The following FBXO15 variants were observed in gnomAD, a reference collection of about 807,000 sequenced individuals.
FBXO15 encodes the protein F-box only protein 15.
FBXO15 carries 30 observed loss-of-function variants against 49.5 expected under a neutral mutation model. That is an observed-to-expected ratio of 0.61 (90% CI 0.45 to 0.82). The LOEUF (loss-of-function observed/expected upper bound fraction) is 0.82. Among genes scored for constraint, FBXO15 ranks in the 40% least tolerant of loss-of-function variants. The pLI is 0.00. For missense variants in FBXO15, 591 were observed against 631.5 expected, an observed-to-expected ratio of 0.94 and a Z score of 0.69; for synonymous variants, 250 against 232.7, an observed-to-expected ratio of 1.07 and a Z score of -0.68.
chr18:74,078,058 C>T (rs1421103332), intron 9 of FBXO15, among the ~76,000 whole-genome samples: 8 of 152,146 alleles, frequency 5.3e-5, no homozygotes, highest in East Asian at 1.9e-4. Context: ...AAGGAGCGGC[C>T]GGTGGGGCAC....
chr18:74,118,593 T>C (rs970972128), intron 8 of FBXO15, among the ~76,000 whole-genome samples: 1 of 152,156 alleles, frequency 6.6e-6, no homozygotes, highest in Non-Finnish European at 1.5e-5. Context: ...CTGTACAATG[T>C]AAAATTATTT....
chr18:74,107,174 G>A (rs1913804058), intron 8 of FBXO15, among the ~76,000 whole-genome samples: 1 of 147,318 alleles, frequency 6.8e-6, no homozygotes, highest in Non-Finnish European at 1.5e-5. Flanking sequence ...ATATTTATGG[G>A]GTACACAGTG....
At chr18:74,085,093 C>A (rs909305081) in intron 8 of FBXO15, among the ~76,000 whole-genome samples, 1 of 152,052 alleles carries the variant, frequency 6.6e-6, no homozygotes, top group African/African-American at 2.4e-5. Flanking sequence ...TTCACACAAT[C>A]ACAAGCATAA....
At chr18:74,106,843 G>A (rs1913790067) in intron 8 of FBXO15, among the ~76,000 whole-genome samples, 1 of 152,020 alleles carries the variant, frequency 6.6e-6, no homozygotes, top group Non-Finnish European at 1.5e-5. Flanking sequence ...GATACTAAAT[G>A]TCCAACATTA....
At chr18:74,085,758 T>C (rs943417486) in intron 8 of FBXO15, among the ~76,000 whole-genome samples, 7 of 152,108 alleles carry the variant, frequency 4.6e-5, no homozygotes, top group Admixed American at 2.0e-4. Context: ...ACATCCACAC[T>C]GGGAAAGAAC....
In FBXO15 at chr18:74,075,291, AGCCCAGCTCCTCTGC is replaced by A. The variant is rs1218603318; in HGVS notation, c.1264-1576_1264-1562del. Among the ~76,000 whole-genome samples the A allele has an allele frequency of 6.6e-6, 1 of 152,178 alleles. No individual in the cohort carries two copies. The highest frequency in any genetic ancestry group is 1.5e-5 in the Non-Finnish European group (1 of 68,020). On this transcript the variant is annotated intron_variant, in intron 9 of 9. Coordinates refer to ENST00000419743, the MANE Select transcript of FBXO15 (RefSeq NM_001142958.2). This position sits in a 1 kb window ranked among gnomAD's most constrained non-coding sequence, Gnocchi z 4.1. The stretch of plus-strand genomic sequence containing the variant: ...CCTCAACTTCCCACTGCAGATCCAC[AGCCCAGCTCCTCTGC>A]GCCCACCTCTCCTCACATGTGTTTC...
chr18:74,138,900 C>T (rs1019622052), intron 2 of FBXO15, among the ~76,000 whole-genome samples: 1 of 152,194 alleles, frequency 6.6e-6, no homozygotes, highest in African/African-American at 2.4e-5. Context: ...GCCTGTGTCT[C>T]TCCGTCTTCC....
At chr18:74,146,424 A>C (rs866852387) in intron 1 of FBXO15, among the ~76,000 whole-genome samples, 1 of 152,246 alleles carries the variant, frequency 6.6e-6, no homozygotes, top group Non-Finnish European at 1.5e-5. Context: ...CCCTCTAATT[A>C]TATCAATCCA....
intron 5 of FBXO15, among the ~76,000 whole-genome samples, chr18:74,128,574 AG>A (rs1323030856): frequency 1.3e-5 from 2 of 152,246 alleles, no homozygotes; most frequent in Non-Finnish European, 2.9e-5. Context: ...AAACCAACGC[AG>A]GAGAAGGCAG....
At chr18:74,079,206 A>AATCC (rs1206694971) in intron 9 of FBXO15, among the ~76,000 whole-genome samples, 1 of 152,212 alleles carries the variant, frequency 6.6e-6, no homozygotes, top group African/African-American at 2.4e-5. Context: ...ACCAAAAGAA[A>AATCC]ATCCATCCAT....
At chr18:74,137,800 A>G (rs983942938) in intron 2 of FBXO15, among the ~76,000 whole-genome samples, 1 of 152,204 alleles carries the variant, frequency 6.6e-6, no homozygotes, top group African/African-American at 2.4e-5. Flanking sequence ...TAGAACAAAG[A>G]AACTGCTCTA....
chr18:74,088,702 A>C (rs541012584), intron 8 of FBXO15, among the ~76,000 whole-genome samples: 4 of 152,184 alleles, frequency 2.6e-5, no homozygotes, highest in Non-Finnish European at 5.9e-5. Flanking sequence ...TTTTTGTTCC[A>C]TATGAATTTT....
chr18:74,129,335 C>G, intron 5 of FBXO15, 70 bp downstream of exon 5: 1 of 1,366,376 alleles, frequency 7.3e-7, no homozygotes, highest in Admixed American at 2.2e-5. Flanking sequence ...TTTTTAATTA[C>G]AAAAGTAATG....
At chr18:74,101,208 A>T (rs138532613) in intron 8 of FBXO15, among the ~76,000 whole-genome samples, 13,312 of 152,204 alleles carry the variant, frequency 0.087, 816 homozygotes, top group Admixed American at 0.2. Flanking sequence ...ATAATCCACC[A>T]TGATCAAGTG....
Position 74,140,299 on chromosome 18 carries a change from C to A in FBXO15, c.130G>T (p.Val44Phe). 2 of 1,550,434 alleles carry A rather than the reference C, an allele frequency of 1.3e-6. No individual in the cohort carries two copies. The highest frequency in any genetic ancestry group is 1.7e-6 in the Non-Finnish European group (2 of 1,146,584). Residue 44 changes from valine to phenylalanine, a missense_variant, in exon 2 of 10, where the codon GTC becomes TTC. Transcript: ENST00000419743. ...GCAGCAGAGCCTGCAGAAAGCTTGACCCCTGGCCCCTTTCTGAAAGTAAAT... is the reference window on the plus strand; with the variant it reads ...GCAGCAGAGCCTGCAGAAAGCTTGAACCCTGGCCCCTTTCTGAAAGTAAAT... ...RAFGCRKGPGVKLSAGSAALR... is the reference protein window; with the variant it reads ...RAFGCRKGPGFKLSAGSAALR...
intron 8 of FBXO15, among the ~76,000 whole-genome samples, chr18:74,122,115 C>T (rs1278808696): frequency 6.6e-6 from 1 of 152,210 alleles, no homozygotes; most frequent in Non-Finnish European, 1.5e-5. Flanking sequence ...CTGCGCCATG[C>T]CTGAGGACTT....
chr18:74,147,786 A>G lies in FBXO15; in HGVS notation c.-1T>C. The G allele has an allele frequency of 6.5e-7, 1 of 1,530,016 alleles. No individual in the cohort carries two copies. Among genetic ancestry groups the G allele is most frequent in the Non-Finnish European group, 8.8e-7 (1 of 1,140,946 alleles). The allele number at this position is 1,530,016 out of a possible 1,614,324, so 94.8% of individuals were successfully genotyped here. On this transcript the variant is annotated 5_prime_UTR_variant, in exon 1 of 10. Coordinates refer to ENST00000419743, the MANE Select transcript of FBXO15 (RefSeq NM_001142958.2). The stretch of plus-strand genomic sequence containing the variant: ...AGATCCGACCGCGTCCAGTCGCCAT[A>G]GAGACAAGGAGTTCACCACAGGACC...
intron 9 of FBXO15, among the ~76,000 whole-genome samples, chr18:74,076,717 A>T (rs1197403144): frequency 6.6e-6 from 1 of 152,058 alleles, no homozygotes; most frequent in Admixed American, 6.5e-5. Context: ...TGAGCATATC[A>T]CCCTGAGACA....
chr18:74,147,616 C>T, intron 1 of FBXO15, 54 bp downstream of exon 1: 1 of 1,372,542 alleles, frequency 7.3e-7, no homozygotes, highest in Non-Finnish European at 9.4e-7. Context: ...AGAGCGGGGC[C>T]GCGCAGTGAC....
Sources: allele counts gnomAD v4.1 joint callset (sites outside exome capture counted in the v4.1 genomes callset), GRCh38; gene constraint gnomAD v4.1.1; non-coding constraint Gnocchi (gnomAD v3.1); transcripts MANE v1.5; gene names NCBI Gene and HGNC (gene_info 2026-07-23, HGNC 2026-07-21).